Variants in PSD3 observed in about 807,000 individuals in gnomAD.
PSD3 encodes PH and SEC7 domain-containing protein 3.
Under a neutral mutation model 105.5 loss-of-function variants are expected in PSD3, and 49 were observed. The observed-to-expected ratio is 0.46, with a 90% CI of 0.37 to 0.59. PSD3 has a LOEUF of 0.59. PSD3 is among the 20% of genes least tolerant of loss of function. PSD3 has a pLI of 0.00. For missense variants in PSD3, 1,561 were observed against 1,263.8 expected (o/e 1.24, Z -3.57); for synonymous variants, 557 against 457.8 (o/e 1.22, Z -2.77).
At chr8:18,843,001 A>AT (rs1054554297) in intron 4 of PSD3, among the ~76,000 whole-genome samples, 1 of 152,044 alleles carries the variant, frequency 6.6e-6, no homozygotes, top group African/African-American at 2.4e-5. Flanking sequence ...TTTCCATGTT[A>AT]TTTTTTCCAC....
At chr8:18,739,334 A>G (rs1214167200) in intron 9 of PSD3, among the ~76,000 whole-genome samples, 1 of 152,176 alleles carries the variant, frequency 6.6e-6, no homozygotes, top group East Asian at 1.9e-4. Context: ...CCCATACTTA[A>G]TTATTAGTTA....
In PSD3 at chr8:18,527,448, CA is replaced by C. The variant is rs1021089613; in HGVS notation, c.*8294del. The C allele has an allele frequency of 3.9e-5, 6 of 152,600 alleles. No individual in the cohort carries two copies. The highest frequency in any genetic ancestry group is 7.4e-5 in the Non-Finnish European group (5 of 67,994). The allele number at this position is 152,600 out of a possible 1,614,324, so 9.5% of individuals were successfully genotyped here. Reference sequence around the variant, plus strand: ...AATAAATTTTGTTGCCGTAAAACAACAAAATATCCCCAACTTATAAAAACAC... The same window carrying C: ...AATAAATTTTGTTGCCGTAAAACAACAAATATCCCCAACTTATAAAAACAC... On this transcript the variant is annotated 3_prime_UTR_variant, in exon 16 of 16. Transcript: ENST00000327040.
intron 1 of PSD3, among the ~76,000 whole-genome samples, chr8:19,077,510 G>A (rs1829497456): frequency 6.6e-6 from 1 of 152,124 alleles, no homozygotes; most frequent in African/African-American, 2.4e-5. Context: ...GCCATTATCT[G>A]ACAACGTCAA....
rs748858103 is a variant in PSD3 at position 18,632,717 on chromosome 8, C to G, written c.2306G>C (p.Ser769Thr). 2 of 1,609,866 alleles carry G rather than the reference C, an allele frequency of 1.2e-6. No individual in the cohort carries two copies. The highest frequency in any genetic ancestry group is 2.2e-5 in the South Asian group (2 of 90,994). Reference protein sequence around the residue: ...THPKTISRIGSTTNPFLDIPH... With the variant: ...THPKTISRIGTTTNPFLDIPH... ...AATGTCCAAAAATGGGTTAGTAGTACTTCCAATACGACTGATGGTCTTTGG... is the reference window on the plus strand; with the variant it reads ...AATGTCCAAAAATGGGTTAGTAGTAGTTCCAATACGACTGATGGTCTTTGG... The change falls in exon 11 of 16, where the codon AGT becomes ACT. Residue 769 changes from serine to threonine, a missense_variant. Transcript: ENST00000327040.
At chr8:18,612,272 G>T (rs1485417178) in intron 11 of PSD3, among the ~76,000 whole-genome samples, 5 of 152,128 alleles carry the variant, frequency 3.3e-5, no homozygotes, top group Non-Finnish European at 7.4e-5. Context: ...TCTAAAATTG[G>T]ATTCTGATGC....
intron 3 of PSD3, among the ~76,000 whole-genome samples, chr8:18,871,123 CAT>C (rs1817318156): frequency 6.6e-6 from 1 of 152,136 alleles, no homozygotes; most frequent in Non-Finnish European, 1.5e-5. Flanking sequence ...AACAAACAAA[CAT>C]AGGAAATTGA....
At chr8:18,747,824 AG>A (rs1432419459) in intron 9 of PSD3, among the ~76,000 whole-genome samples, 3 of 152,046 alleles carry the variant, frequency 2.0e-5, no homozygotes, top group Admixed American at 1.3e-4. Flanking sequence ...TAAAAAAAAA[AG>A]AAAAAAAAAG....
intron 8 of PSD3, among the ~76,000 whole-genome samples, chr8:18,797,260 T>C (rs1272457863): frequency 6.6e-6 from 1 of 152,210 alleles, no homozygotes; most frequent in Non-Finnish European, 1.5e-5. Context: ...GAACTACTTA[T>C]CACCAAACAC....
chr8:19,011,783 C>A (rs928307738), intron 1 of PSD3, among the ~76,000 whole-genome samples: 5 of 145,284 alleles, frequency 3.4e-5, no homozygotes, highest in Non-Finnish European at 6.1e-5. Context: ...AAAAAAAAAA[C>A]AACAACAACA....
Position 18,530,674 on chromosome 8 carries a change from G to T in PSD3, c.*5069C>A, listed in dbSNP as rs1271834818. 4.0e-5 allele frequency: 6 copies of T among 150,086 alleles called. No homozygotes were observed. In the East Asian group the frequency reaches 7.8e-4, roughly 19 times the overall value. The allele number at this position is 150,086 out of a possible 1,614,324, so 9.3% of individuals were successfully genotyped here. A position where few individuals can be genotyped will look rare whatever the true frequency, so the allele number is the denominator to read the frequency against. On this transcript the variant is annotated 3_prime_UTR_variant, in exon 16 of 16. Coordinates refer to ENST00000327040, the MANE Select transcript of PSD3 (RefSeq NM_015310.4). ...TCTTAATACTAAAGTTACTAAGACT[G>T]CACAGGCTGCCTTTTTTTTTTTTTT...
chr8:18,899,657 G>A (rs1226492715), intron 2 of PSD3, among the ~76,000 whole-genome samples: 5 of 151,998 alleles, frequency 3.3e-5, no homozygotes, highest in African/African-American at 1.2e-4. Context: ...GTGGCTAAGG[G>A]TATTGTCCTA....
At chr8:18,964,362 G>A (rs1251605855) in intron 1 of PSD3, among the ~76,000 whole-genome samples, 3 of 152,128 alleles carry the variant, frequency 2.0e-5, no homozygotes, top group African/African-American at 7.2e-5. Flanking sequence ...GGGCTCGAGT[G>A]ATCCTCCCAC....
intron 4 of PSD3, chr8:18,865,383 T>A (rs1816851893): frequency 6.7e-6 from 1 of 148,982 alleles, no homozygotes; most frequent in Non-Finnish European, 1.5e-5. Context: ...ACAATTCTTC[T>A]TTGGTTACAA....
rs1341202521 is a variant in PSD3 at position 18,535,846 on chromosome 8, A to G, written c.3041T>C (p.Leu1014Pro). The G allele has an allele frequency of 6.2e-7, 1 of 1,614,150 alleles. No homozygotes were observed. The highest frequency in any genetic ancestry group is 1.7e-5 in the Admixed American group (1 of 60,008). Residue 1014 changes from leucine to proline, a missense_variant, in exon 16 of 16, where the codon CTG (leucine) becomes CCG (proline). Transcript: ENST00000327040. ...AGTGATTGGAGAAGTATCCGGGTTC[A>G]GCGAAGGACTCGAGTGCGACTTCTT... Reference protein sequence around the residue: ...GLKKSHSSPSLNPDTSPITAK... With the variant: ...GLKKSHSSPSPNPDTSPITAK...
chr8:18,622,109 T>C (rs1015198656), intron 11 of PSD3, among the ~76,000 whole-genome samples: 3 of 152,314 alleles, frequency 2.0e-5, no homozygotes, highest in South Asian at 2.1e-4. Flanking sequence ...TACAATGAGA[T>C]TGAAAAGCTG....
At chr8:18,820,244 C>G (rs1274983415) in intron 4 of PSD3, among the ~76,000 whole-genome samples, 1 of 146,286 alleles carries the variant, frequency 6.8e-6, no homozygotes, top group Non-Finnish European at 1.5e-5. Context: ...TCTTTTCTGG[C>G]AGTAGCAGAA....
chr8:18,858,864 A>G (rs543167077), intron 4 of PSD3, among the ~76,000 whole-genome samples: 1 of 152,292 alleles, frequency 6.6e-6, no homozygotes, highest in African/African-American at 2.4e-5. Flanking sequence ...TCAGCCACTC[A>G]TGAAGGTTGG....
chr8:18,843,882 T>A (rs1814853767), intron 4 of PSD3, among the ~76,000 whole-genome samples: 1 of 151,606 alleles, frequency 6.6e-6, no homozygotes, highest in Non-Finnish European at 1.5e-5. Context: ...CTCCAGGAAG[T>A]AGGTCTTCTA....
At chr8:18,593,226 T>C (rs1803743604) in intron 12 of PSD3, among the ~76,000 whole-genome samples, 2 of 152,228 alleles carry the variant, frequency 1.3e-5, no homozygotes, top group African/African-American at 4.8e-5. Context: ...TCTACTCATC[T>C]GACAAAGGGC....
Sources: allele counts gnomAD v4.1 joint callset (sites outside exome capture counted in the v4.1 genomes callset), GRCh38; gene constraint gnomAD v4.1.1; transcripts MANE v1.5; gene names NCBI Gene and HGNC (gene_info 2026-07-23, HGNC 2026-07-21).